The following NLGN4Y variants were observed in gnomAD, a reference collection of about 807,000 sequenced individuals.
NLGN4Y encodes neuroligin 4 Y-linked.
Under a neutral mutation model 8.4 loss-of-function variants are expected in NLGN4Y, and 4 were observed. The observed-to-expected ratio is 0.48, with a 90% CI of 0.23 to 1.09. The LOEUF (loss-of-function observed/expected upper bound fraction) is 1.09, where lower values mean the gene tolerates loss of function less well. NLGN4Y is among the 50% of genes least tolerant of loss of function. The pLI is 0.19. For missense variants in NLGN4Y, 90 were observed against 192.3 expected, an observed-to-expected ratio of 0.47 and a Z score of 3.15; for synonymous variants, 35 against 75.6, an observed-to-expected ratio of 0.46 and a Z score of 2.78.
chrY:14,535,698 C>T (rs2080130689), intron 1 of NLGN4Y, among the ~76,000 whole-genome samples: 2 of 31,771 alleles, frequency 6.3e-5, no homozygotes, highest in African/African-American at 1.2e-4. Flanking sequence ...GAATTTGTTG[C>T]AGCTTGAAAT....
intron 1 of NLGN4Y, among the ~76,000 whole-genome samples, chrY:14,574,272 G>A (rs2080287561): frequency 3.6e-4 from 12 of 33,272 alleles, no homozygotes; most frequent in African/African-American, 1.4e-3. Context: ...ATGAATCTGG[G>A]TGCCCCTGTA....
chrY:14,572,884 T>G (rs2080277615), intron 1 of NLGN4Y, among the ~76,000 whole-genome samples: 1 of 33,775 alleles, frequency 3.0e-5, no homozygotes, highest in Admixed American at 2.7e-4. Context: ...GTTCTCTTTA[T>G]ATGCTGTATT....
chrY:14,758,021 G>C (rs973519918), intron 4 of NLGN4Y, among the ~76,000 whole-genome samples: 4 of 34,355 alleles, frequency 1.2e-4, no homozygotes, highest in Non-Finnish European at 2.9e-4. Context: ...CTCTGATCTA[G>C]AAATTTGATT....
chrY:14,711,457 C>A (rs2080898966), intron 2 of NLGN4Y, among the ~76,000 whole-genome samples: 1 of 32,145 alleles, frequency 3.1e-5, no homozygotes, highest in African/African-American at 1.2e-4. Context: ...GCCTGTCAAT[C>A]GACTACACCC....
intron 6 of NLGN4Y, among the ~76,000 whole-genome samples, chrY:14,832,819 G>GCAGC (rs2043184488): frequency 3.0e-5 from 1 of 33,875 alleles, no homozygotes; most frequent in Non-Finnish European, 7.3e-5. Context: ...CAGGACCACG[G>GCAGC]CAGCGGGGCG....
chrY:14,803,395 G>T (rs2043045226), intron 4 of NLGN4Y, among the ~76,000 whole-genome samples: 1 of 29,296 alleles, frequency 3.4e-5, no homozygotes, highest in Non-Finnish European at 8.0e-5. Flanking sequence ...GTATAGAAAA[G>T]CACTTAAATT....
chrY:14,586,833 A>G, intron 1 of NLGN4Y, among the ~76,000 whole-genome samples: 3 of 32,975 alleles, frequency 9.1e-5, no homozygotes. Context: ...TCTTAAAAAA[A>G]GAAACAAAGA....
chrY:14,745,962 C>T (rs2081022751), intron 4 of NLGN4Y, among the ~76,000 whole-genome samples: 1 of 33,014 alleles, frequency 3.0e-5, no homozygotes, highest in Non-Finnish European at 7.5e-5. Context: ...TGCAGTTTCT[C>T]CTCCATTACA....
chrY:14,724,668 G>A (rs113518152), intron 4 of NLGN4Y, among the ~76,000 whole-genome samples: 3,386 of 31,175 alleles, frequency 0.11, no homozygotes, highest in Non-Finnish European at 0.18. Context: ...TAGGGGGACA[G>A]AATCTCTGTC....
chrY:14,567,089 A>T (rs886610758), intron 1 of NLGN4Y, among the ~76,000 whole-genome samples: 1 of 33,494 alleles, frequency 3.0e-5, no homozygotes, highest in Non-Finnish European at 7.4e-5. Flanking sequence ...TAAGCAGTAG[A>T]TCTAGTTAGA....
intron 2 of NLGN4Y, among the ~76,000 whole-genome samples, chrY:14,682,722 G>T (rs927275773): frequency 3.0e-5 from 1 of 33,325 alleles, no homozygotes; most frequent in Non-Finnish European, 7.4e-5. Flanking sequence ...AAAATTTTAG[G>T]CTGGGCATGG....
At chrY:14,766,889 A>G (rs896628646) in intron 4 of NLGN4Y, among the ~76,000 whole-genome samples, 3 of 33,221 alleles carry the variant, frequency 9.0e-5, no homozygotes, top group African/African-American at 3.5e-4. Context: ...TTTAAAATAT[A>G]TTTAGTTTTT....
chrY:14,624,763 G>T, intron 2 of NLGN4Y, among the ~76,000 whole-genome samples: 2 of 32,694 alleles, frequency 6.1e-5, no homozygotes, highest in Non-Finnish European at 1.5e-4. Flanking sequence ...GCAATACAAA[G>T]ACTTAGATAT....
chrY:14,758,300 C>G (rs2081069137), intron 4 of NLGN4Y, among the ~76,000 whole-genome samples: 2 of 33,494 alleles, frequency 6.0e-5, no homozygotes, highest in Admixed American at 2.7e-4. Flanking sequence ...CACTGGAATT[C>G]AAGGTTCTTT....
In NLGN4Y at chrY:14,792,851, AGTGTGTGT is replaced by A. The variant is rs1569375425; in HGVS notation, c.686-31304_686-31297del. On this transcript the variant is annotated intron_variant, in intron 4 of 6. Transcript: ENST00000684976. ...TCAACTACATGTAGAAGAGAGAGAG[AGTGTGTGT>A]GTGTGTGTGTGTGTGTGTGTGTGTG... 2.7e-3 allele frequency among the ~76,000 whole-genome samples: 25 copies of A among 9,102 alleles called. No homozygotes were observed. The East Asian group carries it at 0.057, about 21-fold the overall frequency. The allele number at this position is 9,102 out of a possible 37,273, so 24.4% of individuals were successfully genotyped here.
rs767724735 is a variant in NLGN4Y, at chrY:14,715,444, G to A, written c.473-4015G>A. ...TAACAAAATGTGGTACATATCTACC[G>A]CGGAATACTATGCAGCCATAAAAAA... is the stretch of plus-strand genomic sequence containing the variant. On this transcript the variant is annotated intron_variant, in intron 2 of 6. Transcript: ENST00000684976. Among the ~76,000 whole-genome samples, 15 of 33,302 alleles carry A rather than the reference G, an allele frequency of 4.5e-4. No homozygotes were observed. The South Asian group carries it at 4.8e-3, about 11-fold the overall frequency. The allele number at this position is 33,302 out of a possible 37,273, so 89.3% of individuals were successfully genotyped here.
At chrY:14,581,526 G>T in intron 1 of NLGN4Y, among the ~76,000 whole-genome samples, 1 of 33,691 alleles carries the variant, frequency 3.0e-5, no homozygotes, top group Admixed American at 2.7e-4. Context: ...CACCATTCCA[G>T]CTTAATTGTT....
chrY:14,578,741 A>C, intron 1 of NLGN4Y, among the ~76,000 whole-genome samples: 1 of 33,459 alleles, frequency 3.0e-5, no homozygotes, highest in Non-Finnish European at 7.4e-5. Context: ...CCCGCCAGGC[A>C]CCATCTCCAA....
At chrY:14,588,828 T>C in intron 1 of NLGN4Y, among the ~76,000 whole-genome samples, 1 of 32,045 alleles carries the variant, frequency 3.1e-5, no homozygotes, top group African/African-American at 1.2e-4. Context: ...TTCTTCCTTC[T>C]GGTGGGTTCG....
Sources: gnomAD v4.1 joint callset for allele counts (sites outside exome capture counted in the v4.1 genomes callset) on GRCh38, gnomAD v4.1.1 for gene constraint, MANE v1.5 for transcripts, NCBI Gene and HGNC (gene_info 2026-07-23, HGNC 2026-07-21) for gene names.